GALNT8: variants seen among roughly 807,000 people sequenced by gnomAD.
The protein encoded by GALNT8 is polypeptide N-acetylgalactosaminyltransferase 8, also known as probable polypeptide N-acetylgalactosaminyltransferase 8.
A neutral mutation model predicts 62.7 loss-of-function variants in GALNT8; 66 were observed. That is an observed-to-expected ratio of 1.05 (90% CI 0.86 to 1.29). The LOEUF is 1.29. Ranked by LOEUF, GALNT8 falls within the 50% of genes most tolerant of loss-of-function variation. The pLI is 0.00. For missense variants in GALNT8, 771 were observed against 791.8 expected (o/e 0.97, Z 0.32); for synonymous variants, 288 against 294.3 (o/e 0.98, Z 0.22).
chr12:4,764,192 A>C, intron 9 of GALNT8, 145 bp downstream of exon 9: 1 of 658,608 alleles, frequency 1.5e-6, no homozygotes, highest in Non-Finnish European at 2.8e-6. Context: ...CCAGACCTGC[A>C]CTTGTAACTG....
At position 4,736,194 on chromosome 12, in the gene GALNT8, A is replaced by T. The variant is rs531925590; in HGVS notation, c.510-2969A>T. ...AAATCATTTGCCAACCAGAACACAG[A>T]TCCATCAGCAAACAGCTGAAGCCCC... On this transcript the variant is annotated intron_variant, in intron 2 of 10. Coordinates refer to ENST00000252318, the MANE Select transcript of GALNT8 (RefSeq NM_017417.2). Among the ~76,000 whole-genome samples, 9 of 152,288 alleles carry T rather than the reference A, an allele frequency of 5.9e-5. No homozygotes were observed. In the South Asian group the frequency reaches 1.7e-3, roughly 28 times the overall value.
rs1202329781 is a variant in GALNT8, at chr12:4,742,602, A to G, written c.677-1915A>G. ...GAACCGTCAGTGAGCAAAAGAAAGC[A>G]CGGTGTGGGGGTGTGGGGTGTGGTG... On this transcript the variant is annotated intron_variant, in intron 3 of 10. Coordinates refer to ENST00000252318, the MANE Select transcript of GALNT8 (RefSeq NM_017417.2). Among the ~76,000 whole-genome samples the G allele has an allele frequency of 2.6e-5, 4 of 152,166 alleles. No homozygotes were observed. The East Asian group carries it at 7.7e-4, about 29-fold the overall frequency.
At chr12:4,730,861 C>A (rs928521975) in intron 2 of GALNT8, among the ~76,000 whole-genome samples, 1 of 146,138 alleles carries the variant, frequency 6.8e-6, no homozygotes, top group East Asian at 2.0e-4. Context: ...GATGATTTTT[C>A]TTTTCTTTTT....
rs781149213 is a variant in GALNT8, at chr12:4,749,093, G to C, written c.1173+2835G>C. Among the ~76,000 whole-genome samples the C allele has an allele frequency of 6.6e-6, 1 of 152,036 alleles. No individual in the cohort carries two copies. The highest frequency in any genetic ancestry group is 1.5e-5 in the Non-Finnish European group (1 of 67,962). ...GCAACTTTACTGAATTTATCAGTTCGAATAGTTTTTTGGTGGAGTCTTTAT... is the reference window on the plus strand; with the variant it reads ...GCAACTTTACTGAATTTATCAGTTCCAATAGTTTTTTGGTGGAGTCTTTAT... On this transcript the variant is annotated intron_variant, in intron 6 of 10. Coordinates refer to ENST00000252318, the MANE Select transcript of GALNT8 (RefSeq NM_017417.2). This position sits in a 1 kb window ranked among gnomAD's most constrained non-coding sequence, Gnocchi z 4.1.
chr12:4,751,477 G>T (rs1030841360), intron 6 of GALNT8, among the ~76,000 whole-genome samples: 3 of 152,082 alleles, frequency 2.0e-5, no homozygotes, highest in Non-Finnish European at 4.4e-5. Flanking sequence ...TTTGTTTTAA[G>T]AAATTTTCCA....
At chr12:4,754,766 T>C (rs1946337120) in intron 6 of GALNT8, among the ~76,000 whole-genome samples, 1 of 152,124 alleles carries the variant, frequency 6.6e-6, no homozygotes, top group Non-Finnish European at 1.5e-5. Flanking sequence ...TATTGGGTAT[T>C]GCTGCTAGTT....
At chr12:4,768,619 A>C in intron 10 of GALNT8, 1 of 238,960 alleles carries the variant, frequency 4.2e-6, no homozygotes, top group Non-Finnish European at 8.5e-6. Context: ...CCATTCTAAC[A>C]TACAGGCTGG....
chr12:4,772,100 G>A (rs1946427217), intron 10 of GALNT8, among the ~76,000 whole-genome samples: 1 of 152,138 alleles, frequency 6.6e-6, no homozygotes, highest in Non-Finnish European at 1.5e-5. Flanking sequence ...TCAGGGGTGA[G>A]GACGTGGAGA....
Position 4,726,395 on chromosome 12 carries a change from C to A in GALNT8, c.212-137C>A. The A allele has an allele frequency of 1.6e-6, 1 of 641,526 alleles. No homozygotes were observed. Among genetic ancestry groups the A allele is most frequent in the Admixed American group, 2.9e-5 (1 of 34,152 alleles). 39.7% of individuals were successfully genotyped at this position (641,526 alleles called of 1,614,324 possible). On this transcript the variant is annotated intron_variant, in intron 1 of 10. Coordinates refer to ENST00000252318, the MANE Select transcript of GALNT8 (RefSeq NM_017417.2). This position sits in a 1 kb window ranked among gnomAD's most constrained non-coding sequence, Gnocchi z 4.1. The stretch of plus-strand genomic sequence containing the variant: ...GGATAAGTTCCCTGACATACTACAT[C>A]CTCTGTGACAAGAGCTTATAAGTTT...
chr12:4,745,588 A>G lies in GALNT8; in HGVS notation c.1020A>G (p.Gln340=), dbSNP rs1447858427. 1.2e-6 allele frequency: 2 copies of G among 1,614,118 alleles called. No homozygotes were observed. The highest frequency in any genetic ancestry group is 2.7e-5 in the African/African-American group (2 of 75,046). Residue 340 remains glutamine (Q), a synonymous_variant, in exon 5 of 11, where the codon CAA becomes CAG. Transcript: ENST00000252318. ...GGTGCCGCTACGATGCACTGCCACA[A>G]GCCTGGATTGATCTGCATGATGTCA... is the stretch of plus-strand genomic sequence containing the variant. ...ELWCRYDALP[Q]AWIDLHDVTA...
intron 7 of GALNT8, among the ~76,000 whole-genome samples, chr12:4,762,462 T>C (rs895249643): frequency 6.6e-6 from 1 of 152,232 alleles, no homozygotes; most frequent in Non-Finnish European, 1.5e-5. Flanking sequence ...TCTTTTAATC[T>C]CCAAATCTTG....
At position 4,771,324 on chromosome 12, in the gene GALNT8, C is replaced by T. The variant is rs150673303; in HGVS notation, c.1762-1121C>T. Among the ~76,000 whole-genome samples the T allele has an allele frequency of 9.4e-3, 1,430 of 152,172 alleles. 32 individuals carry two copies. Among genetic ancestry groups the T allele is most frequent in the African/African-American group, 0.033 (1,359 of 41,510 alleles). ...TGGTGGCAGTGGTGGAGGAGAAGTT[C>T]CAGAATCTGAAGCGTTGCCCTGAAT... On this transcript the variant is annotated intron_variant, in intron 10 of 10. Transcript: ENST00000252318.
At position 4,726,833 on chromosome 12, in the gene GALNT8, G is replaced by T; in HGVS notation, c.509+4G>T. The T allele has an allele frequency of 6.2e-7, 1 of 1,604,820 alleles. No individual in the cohort carries two copies. Among genetic ancestry groups the T allele is most frequent in the South Asian group, 1.1e-5 (1 of 89,600 alleles). Reference sequence around the variant, plus strand: ...TCCCCGACACGCGAGACTACAGGTGGGATGAACCAGGCTTGGGCTTCTAGG... The same window carrying T: ...TCCCCGACACGCGAGACTACAGGTGTGATGAACCAGGCTTGGGCTTCTAGG... On this transcript the variant is annotated splice_donor_region_variant and intron_variant, in intron 2 of 10. Transcript: ENST00000252318. The surrounding 1 kb of genome is among the most constrained non-coding windows in gnomAD (Gnocchi z 4.1).
chr12:4,770,447 G>A (rs1253547894), intron 10 of GALNT8, among the ~76,000 whole-genome samples: 1 of 151,996 alleles, frequency 6.6e-6, no homozygotes, highest in Non-Finnish European at 1.5e-5. Context: ...GAAGTTGAGT[G>A]GAAATAGAAA....
intron 2 of GALNT8, among the ~76,000 whole-genome samples, chr12:4,730,957 C>T (rs1040021240): frequency 2.0e-5 from 3 of 150,956 alleles, no homozygotes; most frequent in African/African-American, 4.9e-5. Flanking sequence ...ATGCCATTCT[C>T]CTGCCTCAGC....
intron 10 of GALNT8, among the ~76,000 whole-genome samples, chr12:4,767,313 G>A (rs1449344722): frequency 1.3e-5 from 2 of 152,160 alleles, no homozygotes; most frequent in Non-Finnish European, 2.9e-5. Flanking sequence ...CTGGAGGCCA[G>A]GGCCTGGGGT....
intron 6 of GALNT8, among the ~76,000 whole-genome samples, chr12:4,755,475 G>T (rs750131911): frequency 6.6e-6 from 1 of 152,184 alleles, no homozygotes; most frequent in Non-Finnish European, 1.5e-5. Context: ...GATGGGGGAG[G>T]GGTAGCATCA....
chr12:4,741,367 A>G (rs1168661115), intron 3 of GALNT8, among the ~76,000 whole-genome samples: 2 of 152,166 alleles, frequency 1.3e-5, no homozygotes. Context: ...CTGGGCATGG[A>G]GACTGGTACT....
intron 9 of GALNT8, among the ~76,000 whole-genome samples, 193 bp from the exon 10 acceptor site, chr12:4,765,186 T>C (rs1946393490): frequency 6.6e-6 from 1 of 151,976 alleles, no homozygotes; most frequent in Non-Finnish European, 1.5e-5. Context: ...TCTCCCTGGA[T>C]TCAAGGAGAG....
Sources: allele counts gnomAD v4.1 joint callset (sites outside exome capture counted in the v4.1 genomes callset), GRCh38; gene constraint gnomAD v4.1.1; non-coding constraint Gnocchi (gnomAD v3.1); transcripts MANE v1.5; gene names NCBI Gene and HGNC (gene_info 2026-07-23, HGNC 2026-07-21).